Variants in NCKAP1L observed in about 807,000 individuals in gnomAD.
NCKAP1L encodes nck-associated protein 1-like.
A neutral mutation model predicts 139.2 loss-of-function variants in NCKAP1L; 53 were observed. The ratio of observed to expected loss-of-function variants is 0.38; its 90% confidence interval spans 0.31 to 0.48. The LOEUF (loss-of-function observed/expected upper bound fraction) is 0.48. Among genes scored for constraint, NCKAP1L ranks in the 20% least tolerant of loss-of-function variants. The pLI is 0.98. For synonymous variants in NCKAP1L, 468 were observed against 499.7 expected, an observed-to-expected ratio of 0.94 and a Z score of 0.85; for missense variants, 1,151 against 1,381.9, an observed-to-expected ratio of 0.83 and a Z score of 2.65.
At chr12:54,506,209 A>G (rs1956838158) in intron 3 of NCKAP1L, among the ~76,000 whole-genome samples, 1 of 152,122 alleles carries the variant, frequency 6.6e-6, no homozygotes, top group African/African-American at 2.4e-5. Flanking sequence ...ACCTTTTTTC[A>G]GAGTTGTTCC....
chr12:54,536,455 A>T, intron 28 of NCKAP1L: 1 of 458,114 alleles, frequency 2.2e-6, no homozygotes, highest in South Asian at 2.2e-5. Context: ...ACTTGAGCCC[A>T]TGAGTTCCAG....
At chr12:54,504,873 C>T (rs984775826) in intron 3 of NCKAP1L, among the ~76,000 whole-genome samples, 13 of 152,200 alleles carry the variant, frequency 8.5e-5, no homozygotes, top group Non-Finnish European at 1.5e-4. Context: ...TATTTCCGTT[C>T]CCTTCTGATT....
intron 4 of NCKAP1L, 151 bp downstream of exon 4, chr12:54,508,060 T>C (rs1356121073): frequency 2.8e-6 from 2 of 723,658 alleles, no homozygotes; most frequent in African/African-American, 1.8e-5. Context: ...TATAATTGTT[T>C]TGTAAAAAGT....
At chr12:54,541,851 C>A (rs893959699) in intron 30 of NCKAP1L, among the ~76,000 whole-genome samples, 7 of 152,062 alleles carry the variant, frequency 4.6e-5, no homozygotes, top group Non-Finnish European at 8.8e-5. Flanking sequence ...AGGAAATACA[C>A]CCTGCTCCTT....
Position 54,507,850 on chromosome 12 carries a change from C to A in NCKAP1L, c.307-3C>A. 1 of 1,613,644 alleles carries A rather than the reference C, an allele frequency of 6.2e-7. No individual in the cohort carries two copies. Among genetic ancestry groups the A allele is most frequent in the Non-Finnish European group, 8.5e-7 (1 of 1,179,546 alleles). On this transcript the variant is annotated splice_region_variant and splice_polypyrimidine_tract_variant and intron_variant, in intron 3 of 30. Coordinates refer to ENST00000293373, the MANE Select transcript of NCKAP1L (RefSeq NM_005337.5). ...TAATTCTTGTCTTCACTTCCACCCCCAGGATCATGTATATGAACTTCTCAA... is the reference window on the plus strand; with the variant it reads ...TAATTCTTGTCTTCACTTCCACCCCAAGGATCATGTATATGAACTTCTCAA...
rs1167335638 is a variant in NCKAP1L, at chr12:54,521,228, T to G, written c.1868T>G (p.Leu623Arg). 1 of 1,614,030 alleles carries G rather than the reference T, an allele frequency of 6.2e-7. No homozygotes were observed. Among genetic ancestry groups the G allele is most frequent in the Non-Finnish European group, 8.5e-7 (1 of 1,179,948 alleles). ...VLEICAEQRNLSEQLLPKHCA... is the reference protein window; with the variant it reads ...VLEICAEQRNRSEQLLPKHCA... ...GAGATCTGTGCTGAGCAGCGAAACC[T>G]GAGCGAGCAGGTAGACTCAGCCCTC... The change falls in exon 18 of 31, where the codon CTG (leucine) becomes CGG (arginine). Residue 623 changes from leucine to arginine, a missense_variant. By Grantham distance (102) the Leu-to-Arg change is moderately radical. Coordinates refer to ENST00000293373, the MANE Select transcript of NCKAP1L (RefSeq NM_005337.5).
rs1410175858 is a variant in NCKAP1L at position 54,511,814 on chromosome 12, G to A, written c.747G>A (p.Glu249=). The A allele has an allele frequency of 5.0e-6, 8 of 1,614,100 alleles. No homozygotes were observed. Among genetic ancestry groups the A allele is most frequent in the Non-Finnish European group, 6.8e-6 (8 of 1,180,036 alleles). ...TTCTCTTCTCACAGATGGCCTGTGA[G>A]TATCTGTCTGTGGAAGTAATGGAGC... ...NPANSDTMAC[E]YLSVEVMERW... Residue 249 remains glutamate, a synonymous_variant, in exon 8 of 31, where the codon GAG becomes GAA. Transcript: ENST00000293373.
intron 7 of NCKAP1L, 100 bp downstream of exon 7, chr12:54,510,085 T>A: frequency 7.0e-7 from 1 of 1,428,102 alleles, no homozygotes; most frequent in Non-Finnish European, 9.5e-7. Flanking sequence ...TACTAAAGAA[T>A]GCTTTAGTCT....
chr12:54,506,633 C>T, intron 3 of NCKAP1L, among the ~76,000 whole-genome samples: 1 of 147,802 alleles, frequency 6.8e-6, no homozygotes. Flanking sequence ...GGGGTTTTGT[C>T]ATGTTGGCCA....
chr12:54,537,859 T>TA (rs1246666454), intron 29 of NCKAP1L, among the ~76,000 whole-genome samples: 1 of 151,992 alleles, frequency 6.6e-6, no homozygotes, highest in African/African-American at 2.4e-5. Context: ...TCCAATTTCT[T>TA]AAAAAAAATG....
chr12:54,513,589 A>C (rs1481834743), intron 9 of NCKAP1L, among the ~76,000 whole-genome samples: 1 of 152,252 alleles, frequency 6.6e-6, no homozygotes, highest in East Asian at 1.9e-4. Context: ...CATTCCTAGA[A>C]GGAAGGACCA....
chr12:54,527,252 G>A (rs1957033847), intron 21 of NCKAP1L, among the ~76,000 whole-genome samples: 2 of 152,218 alleles, frequency 1.3e-5, no homozygotes, highest in African/African-American at 4.8e-5. Context: ...GACATGTTAA[G>A]GAATGGAAAG....
chr12:54,546,078 G>T lies in NCKAP1L; in HGVS notation c.*3393G>T, dbSNP rs979518935. 2 of 152,244 alleles carry T rather than the reference G, an allele frequency of 1.3e-5. No individual in the cohort carries two copies. The highest frequency in any genetic ancestry group is 4.8e-5 in the African/African-American group (2 of 41,436). The allele number at this position is 152,244 out of a possible 1,614,324, so 9.4% of individuals were successfully genotyped here. On this transcript the variant is annotated 3_prime_UTR_variant, in exon 31 of 31. Coordinates refer to ENST00000293373, the MANE Select transcript of NCKAP1L (RefSeq NM_005337.5). ...GTCTCTCCAAAAATACAAAAAATTA[G>T]CTGGGCATGGTGGCTGTTGTCTGTA...
chr12:54,498,399 T>TTGTGTGTGTGTGTGTGTG lies in NCKAP1L; in HGVS notation c.102+526_102+543dup, dbSNP rs766272206. The stretch of plus-strand genomic sequence containing the variant: ...CCTGGGGTAGTTCATGCTGTGGTGG[T>TTGTGTGTGTGTGTGTGTG]TGTGTGTGTGTGTGTGTGTGTGTGT... On this transcript the variant is annotated intron_variant, in intron 1 of 30. Transcript: ENST00000293373. Among the ~76,000 whole-genome samples the TTGTGTGTGTGTGTGTGTG allele has an allele frequency of 2.9e-3, 418 of 142,380 alleles. 3 individuals are homozygous for TTGTGTGTGTGTGTGTGTG. The highest frequency in any genetic ancestry group is 6.7e-3 in the African/African-American group (258 of 38,678). The allele number at this position is 142,380 out of a possible 152,430, so 93.4% of individuals were successfully genotyped here. A position where few individuals can be genotyped will look rare whatever the true frequency, so the allele number is the denominator to read the frequency against.
chr12:54,522,509 G>T (rs955195724), intron 18 of NCKAP1L, among the ~76,000 whole-genome samples: 1 of 152,126 alleles, frequency 6.6e-6, no homozygotes, highest in African/African-American at 2.4e-5. Context: ...CATTACTAGT[G>T]GAATTACATA....
At chr12:54,536,347 G>T (rs1446790657) in intron 28 of NCKAP1L, 102 bp downstream of exon 28, 2 of 885,892 alleles carry the variant, frequency 2.3e-6, no homozygotes, top group Admixed American at 1.9e-5. Context: ...TCTGACTTGG[G>T]TGTAAAGTTC....
chr12:54,527,839 C>A (rs1347130774), intron 21 of NCKAP1L, among the ~76,000 whole-genome samples: 2 of 152,098 alleles, frequency 1.3e-5, no homozygotes, highest in Admixed American at 1.3e-4. Flanking sequence ...CTCACAGGTA[C>A]CTCTTTGCCC....
intron 16 of NCKAP1L, 69 bp downstream of exon 16, chr12:54,519,401 T>C (rs1565677683): frequency 8.4e-7 from 1 of 1,186,832 alleles, no homozygotes; most frequent in East Asian, 2.8e-5. Context: ...TTCTCCATTA[T>C]GCCACTTACT....
In NCKAP1L at chr12:54,536,256, G is replaced by T; in HGVS notation, c.3073+11G>T. The T allele has an allele frequency of 6.3e-7, 1 of 1,584,118 alleles. No individual in the cohort carries two copies. Among genetic ancestry groups the T allele is most frequent in the Non-Finnish European group, 8.7e-7 (1 of 1,154,018 alleles). On this transcript the variant is annotated intron_variant, in intron 28 of 30. Transcript: ENST00000293373. ...GCATTGAGAAGGATGGTAAGTAAGG[G>T]GTAGGTTTGAGACACCAGTGCTATT...
Sources: allele counts gnomAD v4.1 joint callset (sites outside exome capture counted in the v4.1 genomes callset), GRCh38; gene constraint gnomAD v4.1.1; transcripts MANE v1.5; gene names NCBI Gene and HGNC (gene_info 2026-07-23, HGNC 2026-07-21).